Variants in KIFBP observed in about 807,000 individuals in gnomAD.
KIFBP encodes the protein KIF-binding protein.
A neutral mutation model predicts 58.9 loss-of-function variants in KIFBP; 46 were observed. The ratio of observed to expected loss-of-function variants is 0.78; its 90% confidence interval spans 0.62 to 1.00. KIFBP has a LOEUF of 1.00. Ranked by LOEUF, KIFBP falls within the 50% of genes least tolerant of loss-of-function variation. The pLI, the probability that KIFBP is intolerant of heterozygous loss-of-function variation, is 0.00. For missense variants in KIFBP, 651 were observed against 752.9 expected (o/e 0.86, Z 1.58); for synonymous variants, 241 against 283.4 (o/e 0.85, Z 1.50).
intron 1 of KIFBP, among the ~76,000 whole-genome samples, chr10:68,997,800 C>T (rs1843422464): frequency 6.6e-6 from 1 of 152,162 alleles, no homozygotes; most frequent in Non-Finnish European, 1.5e-5. Flanking sequence ...AGCCCCACTG[C>T]AGCACACTGC....
chr10:69,007,489 T>C (rs1156466620), intron 4 of KIFBP: 8 of 152,188 alleles, frequency 5.3e-5, no homozygotes, highest in Non-Finnish European at 1.2e-4. Flanking sequence ...CAGTGGTTGC[T>C]CACAGGGAGC....
At chr10:68,998,779 T>A (rs1370507973) in intron 1 of KIFBP, among the ~76,000 whole-genome samples, 1,627 of 88,044 alleles carry the variant, frequency 0.018, 7 homozygotes, top group Non-Finnish European at 0.029. Context: ...ATATTTTTTT[T>A]TTTTTTTTTT....
At chr10:68,993,246 C>G (rs1327242920) in intron 1 of KIFBP, among the ~76,000 whole-genome samples, 2 of 152,142 alleles carry the variant, frequency 1.3e-5, no homozygotes, top group African/African-American at 4.8e-5. Flanking sequence ...CCCACACTTA[C>G]TGACATCCAC....
At chr10:68,994,028 C>CA (rs1387360904) in intron 1 of KIFBP, among the ~76,000 whole-genome samples, 2 of 151,946 alleles carry the variant, frequency 1.3e-5, no homozygotes, top group Admixed American at 6.6e-5. Context: ...AGCAGTTTTT[C>CA]AAAAACAAAA....
chr10:69,004,219 CAAAAA>C (rs1164355898), intron 2 of KIFBP, among the ~76,000 whole-genome samples: 1 of 79,498 alleles, frequency 1.3e-5, no homozygotes. Context: ...ACTCCATCTC[CAAAAA>C]AAAAAAAAAA....
chr10:69,005,883 G>A lies in KIFBP; in HGVS notation c.757G>A (p.Ala253Thr). The change falls in exon 4 of 7, where the codon GCT (alanine) becomes ACT (threonine). Residue 253 changes from alanine (A) to threonine (T), a missense_variant. Transcript: ENST00000361983. ...AYHPIEWAINAATLSQFYINK... is the reference protein window; with the variant it reads ...AYHPIEWAINTATLSQFYINK... Reference sequence around the variant, plus strand: ...CCATCCTATAGAGTGGGCTATCAATGCTGCTACCTTGTCACAGTTTTACAT... The same window carrying A: ...CCATCCTATAGAGTGGGCTATCAATACTGCTACCTTGTCACAGTTTTACAT... 8 of 1,614,006 alleles carry A rather than the reference G, an allele frequency of 5.0e-6. No homozygotes were observed. The highest frequency in any genetic ancestry group is 6.8e-6 in the Non-Finnish European group (8 of 1,179,992).
intron 6 of KIFBP, 197 bp from the exon 7 acceptor site, chr10:69,015,344 C>T: frequency 5.5e-6 from 3 of 548,336 alleles, no homozygotes; most frequent in Non-Finnish European, 6.4e-6. Context: ...ACTTTTTTTT[C>T]CACATTTCTT....
At chr10:69,008,519 C>G (rs1843560669) in intron 4 of KIFBP, among the ~76,000 whole-genome samples, 4 of 149,068 alleles carry the variant, frequency 2.7e-5, no homozygotes, top group African/African-American at 7.5e-5. Flanking sequence ...CAGTTTAAGT[C>G]TAGGATGACA....
At chr10:68,991,364 G>A (rs1394822383) in intron 1 of KIFBP, 4 of 283,256 alleles carry the variant, frequency 1.4e-5, no homozygotes, top group Non-Finnish European at 3.0e-5. Flanking sequence ...TGGAACTGGT[G>A]TTGATCGGTG....
intron 1 of KIFBP, among the ~76,000 whole-genome samples, chr10:68,990,704 C>T (rs1297770149): frequency 1.3e-5 from 2 of 151,952 alleles, no homozygotes; most frequent in African/African-American, 2.4e-5. Context: ...GAAGGAAAAT[C>T]GCAGGGCTGA....
intron 3 of KIFBP, 45 bp downstream of exon 3, chr10:69,005,170 C>A: frequency 1.5e-6 from 2 of 1,343,378 alleles, no homozygotes; most frequent in Non-Finnish European, 2.1e-6. Context: ...TTCCACATAT[C>A]ATAGATTAGT....
chr10:69,008,807 T>A, intron 4 of KIFBP, 34 bp from the exon 5 acceptor site: 2 of 1,469,466 alleles, frequency 1.4e-6, no homozygotes, highest in Non-Finnish European at 1.9e-6. Context: ...AGCTGTGTGA[T>A]AGTTGCATTC....
intron 4 of KIFBP, among the ~76,000 whole-genome samples, chr10:69,008,391 A>AAATATATATATATATAT: frequency 1.8e-4 from 13 of 71,586 alleles, no homozygotes; most frequent in African/African-American, 8.5e-4. Context: ...AAAAAAAAAA[A>AAATATATATATATATAT]ATATATATAT....
intron 1 of KIFBP, among the ~76,000 whole-genome samples, chr10:68,998,138 G>A (rs1408980851): frequency 6.6e-6 from 1 of 152,134 alleles, no homozygotes; most frequent in African/African-American, 2.4e-5. Context: ...ATAACTTACT[G>A]ATTGGTCATG....
At position 69,001,621 on chromosome 10, in the gene KIFBP, G is replaced by A. The variant is rs142887563; in HGVS notation, c.525+1099G>A. On this transcript the variant is annotated intron_variant, in intron 2 of 6. Coordinates refer to ENST00000361983, the MANE Select transcript of KIFBP (RefSeq NM_015634.4). The stretch of plus-strand genomic sequence containing the variant: ...AATACAAAACAGCAGGCATGGTGGC[G>A]CACGCCTGTAGTCCCAGCTACTCAG... 4.3e-3 allele frequency among the ~76,000 whole-genome samples: 658 copies of A among 151,970 alleles called. 2 individuals are homozygous for A. The highest frequency in any genetic ancestry group is 8.1e-3 in the Non-Finnish European group (552 of 67,954).
At chr10:68,989,352 G>A (rs780522161) in intron 1 of KIFBP, 94 bp downstream of exon 1, 12 of 1,374,922 alleles carry the variant, frequency 8.7e-6, no homozygotes, top group Non-Finnish European at 1.2e-5. Context: ...GTTGTAAGGC[G>A]CAATTCGTCC....
chr10:68,994,994 T>TCCTGAATA (rs1350197906), intron 1 of KIFBP, among the ~76,000 whole-genome samples: 1 of 151,878 alleles, frequency 6.6e-6, no homozygotes, highest in Non-Finnish European at 1.5e-5. Flanking sequence ...CACCTCAGCC[T>TCCTGAATA]CCTGAATAGC....
At chr10:69,015,518 T>A in intron 6 of KIFBP, 23 bp from the exon 7 acceptor site, 1 of 1,610,458 alleles carries the variant, frequency 6.2e-7, no homozygotes, top group Non-Finnish European at 8.5e-7. Flanking sequence ...TACTTAACCA[T>A]AATTTATTTT....
Position 68,993,623 on chromosome 10 carries a change from A to T in KIFBP, c.426+4365A>T, listed in dbSNP as rs921231706. Reference sequence around the variant, plus strand: ...GCTTTTTTTTTTTTAAATTTAATTTAATTTTATCTTTATAGAGATGGGGTC... The same window carrying T: ...GCTTTTTTTTTTTTAAATTTAATTTTATTTTATCTTTATAGAGATGGGGTC... On this transcript the variant is annotated intron_variant, in intron 1 of 6. Coordinates refer to ENST00000361983, the MANE Select transcript of KIFBP (RefSeq NM_015634.4). Among the ~76,000 whole-genome samples, 6 of 151,354 alleles carry T rather than the reference A, an allele frequency of 4.0e-5. No homozygotes were observed. The South Asian group carries it at 8.3e-4, about 21-fold the overall frequency.
Sources: allele counts gnomAD v4.1 joint callset (sites outside exome capture counted in the v4.1 genomes callset), GRCh38; gene constraint gnomAD v4.1.1; transcripts MANE v1.5; gene names NCBI Gene and HGNC (gene_info 2026-07-23, HGNC 2026-07-21).